Variants in TNKS observed in about 807,000 individuals in gnomAD.
The protein encoded by TNKS is poly [ADP-ribose] polymerase tankyrase-1.
TNKS carries 72 observed loss-of-function variants against 135.8 expected under a neutral mutation model. That is an observed-to-expected ratio of 0.53 (90% CI 0.44 to 0.64). The LOEUF (loss-of-function observed/expected upper bound fraction) is 0.64. Ranked by LOEUF, TNKS falls within the 30% of genes least tolerant of loss-of-function variation. The pLI, the probability that TNKS is intolerant of heterozygous loss-of-function variation, is 0.00. For synonymous variants in TNKS, 849 were observed against 649.3 expected, an observed-to-expected ratio of 1.31 and a Z score of -4.68; for missense variants, 1,769 against 1,674.0, an observed-to-expected ratio of 1.06 and a Z score of -0.99.
chr8:9,563,095 AC>A, intron 1 of TNKS, among the ~76,000 whole-genome samples: 1 of 152,228 alleles, frequency 6.6e-6, no homozygotes, highest in East Asian at 1.9e-4. Context: ...TGTAAAATTT[AC>A]CATTTTAACC....
chr8:9,726,074 T>C (rs4841205), intron 12 of TNKS, among the ~76,000 whole-genome samples: 125,633 of 152,158 alleles, frequency 0.83, 52,027 homozygotes, highest in Admixed American at 0.88. Flanking sequence ...ATTCTGATTT[T>C]AAAAGTAGTA....
chr8:9,685,609 T>C (rs1802958439), intron 5 of TNKS, among the ~76,000 whole-genome samples: 1 of 152,196 alleles, frequency 6.6e-6, no homozygotes, highest in African/African-American at 2.4e-5. Context: ...TAAAATAACC[T>C]ATAGATTGTC....
intron 3 of TNKS, among the ~76,000 whole-genome samples, chr8:9,627,564 CTTGCTTG>C (rs1800110535): frequency 6.6e-6 from 1 of 151,886 alleles, no homozygotes; most frequent in African/African-American, 2.4e-5. Flanking sequence ...TGCTTGCTTG[CTTGCTTG>C]CTTGCTTGCT....
intron 3 of TNKS, among the ~76,000 whole-genome samples, chr8:9,662,842 C>T (rs890173765): frequency 3.3e-5 from 5 of 152,170 alleles, no homozygotes; most frequent in African/African-American, 1.2e-4. Context: ...CCTCAATCTG[C>T]CATTTACTAG....
chr8:9,658,491 A>T (rs1057296817), intron 3 of TNKS: 2 of 598,794 alleles, frequency 3.3e-6, no homozygotes, highest in African/African-American at 2.0e-5. Context: ...ACTAAGCTTC[A>T]TAAGTGAAGG....
At chr8:9,733,032 C>A (rs543356082) in intron 14 of TNKS, among the ~76,000 whole-genome samples, 2 of 152,188 alleles carry the variant, frequency 1.3e-5, no homozygotes, top group East Asian at 3.9e-4. Flanking sequence ...ATAAGGATTG[C>A]TGTGAGTATA....
chr8:9,598,019 T>G (rs1449905941), intron 2 of TNKS, among the ~76,000 whole-genome samples: 1 of 152,208 alleles, frequency 6.6e-6, no homozygotes, highest in Non-Finnish European at 1.5e-5. Context: ...TAAGTTATAT[T>G]CTTTATGTCC....
At chr8:9,773,757 C>T (rs1808076170) in intron 26 of TNKS, among the ~76,000 whole-genome samples, 1 of 152,034 alleles carries the variant, frequency 6.6e-6, no homozygotes, top group African/African-American at 2.4e-5. Flanking sequence ...AAAATGCACT[C>T]AGCATTTATT....
At chr8:9,614,765 C>G (rs1799578474) in intron 2 of TNKS, among the ~76,000 whole-genome samples, 1 of 152,088 alleles carries the variant, frequency 6.6e-6, no homozygotes, top group Non-Finnish European at 1.5e-5. Flanking sequence ...CCTCTCCTGC[C>G]CTCTCCACCC....
chr8:9,729,149 C>A (rs920940720), intron 13 of TNKS, among the ~76,000 whole-genome samples: 3 of 152,096 alleles, frequency 2.0e-5, no homozygotes, highest in African/African-American at 7.2e-5. Context: ...AAGGGCAAAA[C>A]GGCCAAATGC....
chr8:9,690,312 A>G (rs1448170267), intron 5 of TNKS, among the ~76,000 whole-genome samples: 3 of 152,192 alleles, frequency 2.0e-5, no homozygotes, highest in African/African-American at 7.2e-5. Context: ...TGTGACGTTA[A>G]AATTGAATTA....
At chr8:9,661,750 CAA>C (rs1801726227) in intron 3 of TNKS, among the ~76,000 whole-genome samples, 1 of 152,092 alleles carries the variant, frequency 6.6e-6, no homozygotes, top group Non-Finnish European at 1.5e-5. Flanking sequence ...TAATTAAACT[CAA>C]GAGCTTCTGC....
intron 15 of TNKS, among the ~76,000 whole-genome samples, chr8:9,734,037 TG>T (rs1370434021): frequency 6.6e-6 from 1 of 152,198 alleles, no homozygotes; most frequent in Non-Finnish European, 1.5e-5. Flanking sequence ...GATTTTCTTT[TG>T]CTTTTTTTTA....
At chr8:9,563,484 T>C (rs528432025) in intron 1 of TNKS, among the ~76,000 whole-genome samples, 1 of 152,254 alleles carries the variant, frequency 6.6e-6, no homozygotes, top group Admixed American at 6.5e-5. Context: ...ATGAGTGTGA[T>C]TGTGTTCCAG....
chr8:9,740,834 T>TTTG (rs1805912764), intron 17 of TNKS: 1 of 140,712 alleles, frequency 7.1e-6, no homozygotes, highest in South Asian at 2.3e-4. Context: ...TTGTTTTTTT[T>TTTG]TTTTTTTTTT....
chr8:9,758,367 A>G (rs1023821647), intron 20 of TNKS, among the ~76,000 whole-genome samples: 6 of 149,094 alleles, frequency 4.0e-5, no homozygotes, highest in Non-Finnish European at 7.4e-5. Flanking sequence ...CATCTCTTCT[A>G]TCCTTCAGGA....
At chr8:9,735,202 T>C (rs932430960) in intron 16 of TNKS, 118 bp downstream of exon 16, 2 of 1,155,750 alleles carry the variant, frequency 1.7e-6, no homozygotes, top group East Asian at 2.5e-5. Flanking sequence ...ATGCTCTTGA[T>C]TGACATAGTT....
intron 3 of TNKS, among the ~76,000 whole-genome samples, chr8:9,666,341 A>C (rs1388391170): frequency 6.6e-6 from 1 of 152,244 alleles, no homozygotes; most frequent in Non-Finnish European, 1.5e-5. Context: ...ACTGGACAGC[A>C]CTTTTCAAAC....
At chr8:9,774,590 A>C (rs964413746) in intron 26 of TNKS, among the ~76,000 whole-genome samples, 1 of 152,234 alleles carries the variant, frequency 6.6e-6, no homozygotes, top group Non-Finnish European at 1.5e-5. Flanking sequence ...CTAGTTCTGC[A>C]GTTCAGTAAT....
Sources: allele counts gnomAD v4.1 joint callset (sites outside exome capture counted in the v4.1 genomes callset), GRCh38; gene constraint gnomAD v4.1.1; transcripts MANE v1.5; gene names NCBI Gene and HGNC (gene_info 2026-07-23, HGNC 2026-07-21).